The following MAP3K1 variants were observed in gnomAD, a reference collection of about 807,000 sequenced individuals.
The protein encoded by MAP3K1 is MAP/ERK kinase kinase 1.
In MAP3K1, 36 loss-of-function variants were observed where a neutral mutation model predicts 144.2. The ratio of observed to expected loss-of-function variants is 0.25; its 90% CI spans 0.19 to 0.33. The LOEUF (loss-of-function observed/expected upper bound fraction) is 0.33. MAP3K1 is among the 10% of genes least tolerant of loss of function. MAP3K1 has a pLI of 1.00. For missense variants in MAP3K1, 1,650 were observed against 1,881.9 expected, an observed-to-expected ratio of 0.88 and a Z score of 2.28; for synonymous variants, 718 against 688.7, an observed-to-expected ratio of 1.04 and a Z score of -0.67.
intron 1 of MAP3K1, among the ~76,000 whole-genome samples, chr5:56,826,322 G>A (rs1442811104): frequency 6.6e-6 from 1 of 152,130 alleles, no homozygotes; most frequent in Non-Finnish European, 1.5e-5. Context: ...CGATATCTGA[G>A]TTAGATTTGC....
At position 56,861,637 on chromosome 5, in the gene MAP3K1, A is replaced by T. The variant is rs1747517617; in HGVS notation, c.834+1722A>T. ...CCTTTTACATCTACGTATCTGCATGAGGCCAAACTTTCTTTCATATACTTT... is the reference window on the plus strand; with the variant it reads ...CCTTTTACATCTACGTATCTGCATGTGGCCAAACTTTCTTTCATATACTTT... On this transcript the variant is annotated intron_variant, in intron 3 of 19. Coordinates refer to ENST00000399503, the MANE Select transcript of MAP3K1 (RefSeq NM_005921.2). Among the ~76,000 whole-genome samples the T allele has an allele frequency of 4.6e-5, 7 of 151,612 alleles. No individual in the cohort carries two copies. In the South Asian group the frequency reaches 1.5e-3, roughly 32 times the overall value.
chr5:56,866,702 T>G (rs937616989), intron 6 of MAP3K1, among the ~76,000 whole-genome samples: 4 of 152,162 alleles, frequency 2.6e-5, no homozygotes, highest in Non-Finnish European at 5.9e-5. Context: ...TATTAATCTG[T>G]TAAGTATTGT....
At chr5:56,872,167 A>T in intron 7 of MAP3K1, 136 bp downstream of exon 7, 1 of 1,144,892 alleles carries the variant, frequency 8.7e-7, no homozygotes, top group South Asian at 1.3e-5. Context: ...CCTAAGTCCT[A>T]TGTGAAAAGT....
rs62358111 is a variant in MAP3K1 at position 56,895,664 on chromosome 5, G to A, written c.*1984G>A. 1 of 232,084 alleles carries A rather than the reference G, an allele frequency of 4.3e-6. No homozygotes were observed. Among genetic ancestry groups the A allele is most frequent in the Admixed American group, 5.6e-5 (1 of 17,744 alleles). The allele number at this position is 232,084 out of a possible 1,614,324, so 14.4% of individuals were successfully genotyped here. A position where few individuals can be genotyped will look rare whatever the true frequency, so the allele number is the denominator to read the frequency against. ...GTTCCCTCAGCTTGCTGGTAATTGT[G>A]GTGTTTTGTTTTTTGTTTTGTTTTC... On this transcript the variant is annotated 3_prime_UTR_variant, in exon 20 of 20. Transcript: ENST00000399503.
intron 1 of MAP3K1, among the ~76,000 whole-genome samples, chr5:56,853,786 T>C (rs1290641988): frequency 6.6e-6 from 1 of 152,148 alleles, no homozygotes; most frequent in African/African-American, 2.4e-5. Flanking sequence ...CTTGGGGTTA[T>C]TGAGGCAGTG....
rs201780112 is a variant in MAP3K1, at chr5:56,864,714, TA to T, written c.835-11del. 3.2e-5 allele frequency: 51 copies of T among 1,593,944 alleles called. No homozygotes were observed. Among genetic ancestry groups the T allele is most frequent in the East Asian group, 4.5e-5 (2 of 44,580 alleles). On this transcript the variant is annotated intron_variant, in intron 3 of 19. Coordinates refer to ENST00000399503, the MANE Select transcript of MAP3K1 (RefSeq NM_005921.2). ...ATTAAGAAATGAGAAACGTACCTAATAAAAAAAAATGTTGTGAAGTTTCAGA... is the reference window on the plus strand; with the variant it reads ...ATTAAGAAATGAGAAACGTACCTAATAAAAAAAATGTTGTGAAGTTTCAGA...
chr5:56,888,406 G>C, intron 19 of MAP3K1, 49 bp downstream of exon 19: 1 of 1,595,152 alleles, frequency 6.3e-7, no homozygotes, highest in Non-Finnish European at 8.6e-7. Flanking sequence ...GAGTACAGCA[G>C]AATTTGGCAG....
At chr5:56,838,532 A>G (rs1746721067) in intron 1 of MAP3K1, among the ~76,000 whole-genome samples, 1 of 152,246 alleles carries the variant, frequency 6.6e-6, no homozygotes, top group South Asian at 2.1e-4. Flanking sequence ...TATATTTAGG[A>G]CAGGATGTTA....
At chr5:56,853,912 G>A (rs1051556720) in intron 1 of MAP3K1, among the ~76,000 whole-genome samples, 1 of 152,124 alleles carries the variant, frequency 6.6e-6, no homozygotes, top group Admixed American at 6.5e-5. Flanking sequence ...GGAACCACTA[G>A]AGCATTTTAA....
At chr5:56,890,881 C>CAAA (rs71602968) in intron 19 of MAP3K1, among the ~76,000 whole-genome samples, 1 of 135,556 alleles carries the variant, frequency 7.4e-6, no homozygotes, top group Non-Finnish European at 1.6e-5. Context: ...CCATCTCTAC[C>CAAA]AAAAAAAAAA....
chr5:56,893,570 T>C lies in MAP3K1; in HGVS notation c.4429T>C (p.Leu1477=). 1 of 1,613,976 alleles carries C rather than the reference T, an allele frequency of 6.2e-7. No individual in the cohort carries two copies. The highest frequency in any genetic ancestry group is 8.5e-7 in the Non-Finnish European group (1 of 1,179,872). ...ATTAPSIPSH[L]SPGLRDVALR... is the part of the protein sequence containing the mutation. ...TACTGCTCCATCGATCCCTTCACATTTGTCTCCTGGTTTACGAGATGTGGC... is the reference window on the plus strand; with the variant it reads ...TACTGCTCCATCGATCCCTTCACATCTGTCTCCTGGTTTACGAGATGTGGC... The change falls in exon 20 of 20, where the codon TTG becomes CTG. Residue 1477 remains leucine, a synonymous_variant. Transcript: ENST00000399503.
intron 1 of MAP3K1, among the ~76,000 whole-genome samples, chr5:56,819,494 A>G (rs1746089638): frequency 6.6e-6 from 1 of 152,150 alleles, no homozygotes; most frequent in African/African-American, 2.4e-5. Context: ...AGTCCTTGAC[A>G]CTGGCTGTGT....
rs976824981 is a variant in MAP3K1 at position 56,888,447 on chromosome 5, A to T, written c.4389+90A>T. The T allele has an allele frequency of 2.8e-6, 3 of 1,088,582 alleles. No individual in the cohort carries two copies. The African/African-American group carries it at 4.7e-5, about 17-fold the overall frequency. 67.4% of individuals were successfully genotyped at this position (1,088,582 alleles called of 1,614,324 possible). ...AAATTTTGATGGGTTCTCCCTAACA[A>T]TCTAGCATGAAGGTAAATAAATAGT... On this transcript the variant is annotated intron_variant, in intron 19 of 19. Coordinates refer to ENST00000399503, the MANE Select transcript of MAP3K1 (RefSeq NM_005921.2).
intron 1 of MAP3K1, among the ~76,000 whole-genome samples, chr5:56,828,305 G>A (rs1746381468): frequency 6.6e-6 from 1 of 152,104 alleles, no homozygotes. Flanking sequence ...CCTAATGCAG[G>A]TTTCTTGGTC....
In MAP3K1 at chr5:56,872,983, A is replaced by T; in HGVS notation, c.1664A>T (p.Asp555Val). Residue 555 changes from aspartate (D) to valine (V), a missense_variant, in exon 9 of 20, where the codon GAT becomes GTT. Around this residue, in one of 6 missense-constraint regions of MAP3K1, gnomAD observed 841 missense variants for 886.5 expected, o/e 0.95. Coordinates refer to ENST00000399503, the MANE Select transcript of MAP3K1 (RefSeq NM_005921.2). Reference protein sequence around the residue: ...GTQQIPPAYKDLAEPWIQVFG... With the variant: ...GTQQIPPAYKVLAEPWIQVFG... ...CAGCAAATCCCTCCTGCTTACAAAG[A>T]TTTAGCTGAGCCATGGATTCAGGTA... The T allele has an allele frequency of 1.2e-6, 2 of 1,614,016 alleles. No individual in the cohort carries two copies. The highest frequency in any genetic ancestry group is 1.7e-6 in the Non-Finnish European group (2 of 1,179,970).
intron 4 of MAP3K1, 48 bp from the exon 5 acceptor site, chr5:56,865,292 G>T: frequency 9.5e-7 from 1 of 1,055,014 alleles, no homozygotes; most frequent in Non-Finnish European, 1.5e-6. Flanking sequence ...AGAAGTTCTT[G>T]TGAACCACAG....
At chr5:56,868,276 C>G (rs1248618366) in intron 6 of MAP3K1, among the ~76,000 whole-genome samples, 2 of 152,006 alleles carry the variant, frequency 1.3e-5, no homozygotes, top group Non-Finnish European at 2.9e-5. Flanking sequence ...CTTATAAGTT[C>G]ATTACTCCCT....
intron 4 of MAP3K1, 149 bp downstream of exon 4, chr5:56,865,083 C>T: frequency 1.2e-6 from 1 of 814,368 alleles, no homozygotes; most frequent in Non-Finnish European, 1.9e-6. Context: ...TAATATTTTT[C>T]TTTAATGTAT....
At chr5:56,856,992 C>T (rs1266408302) in intron 2 of MAP3K1, among the ~76,000 whole-genome samples, 4 of 152,134 alleles carry the variant, frequency 2.6e-5, no homozygotes, top group African/African-American at 9.7e-5. Flanking sequence ...ACCAAGACTG[C>T]CCTCTCATGT....
Sources: gnomAD v4.1 joint callset for allele counts (sites outside exome capture counted in the v4.1 genomes callset) on GRCh38, gnomAD v4.1.1 for gene constraint, gnomAD v4.1.1 regional missense constraint, MANE v1.5 for transcripts, NCBI Gene and HGNC (gene_info 2026-07-23, HGNC 2026-07-21) for gene names.